IFI44: variants seen among roughly 807,000 people sequenced by gnomAD.
IFI44 encodes interferon induced protein 44, also known as interferon-induced protein 44.
A neutral mutation model predicts 45.0 loss-of-function variants in IFI44; 42 were observed. The ratio of observed to expected loss-of-function variants is 0.93; its 90% CI spans 0.73 to 1.21. The LOEUF is 1.21. Among genes scored for constraint, IFI44 ranks in the 50% most tolerant of loss-of-function variants. The pLI, the probability that IFI44 is intolerant of heterozygous loss-of-function variation, is 0.00. For missense variants in IFI44, 623 were observed against 525.8 expected (o/e 1.18, Z -1.81); for synonymous variants, 221 against 188.6 (o/e 1.17, Z -1.41).
At chr1:78,654,925 T>C (rs1215368180) in intron 3 of IFI44, 89 bp from the exon 4 acceptor site, 2 of 994,740 alleles carry the variant, frequency 2.0e-6, no homozygotes, top group Non-Finnish European at 2.8e-6. Context: ...AAAAATAATA[T>C]CTATGAAAAA....
chr1:78,656,821 TTTCA>T (rs1231998355), intron 5 of IFI44, among the ~76,000 whole-genome samples: 1 of 151,178 alleles, frequency 6.6e-6, no homozygotes, highest in Non-Finnish European at 1.5e-5. Context: ...TGCAAGATTT[TTTCA>T]TTCTTTAGTA....
chr1:78,650,720 T>A (rs1248147459), intron 2 of IFI44, 68 bp downstream of exon 2: 19 of 1,048,762 alleles, frequency 1.8e-5, no homozygotes, highest in Non-Finnish European at 2.6e-5. Context: ...AACCAATTCA[T>A]CTCTTTAAGG....
rs1429119498 is a variant in IFI44 at position 78,663,001 on chromosome 1, TG to T, written c.1288+124del. 7 of 1,568,994 alleles carry T rather than the reference TG, an allele frequency of 4.5e-6. No homozygotes were observed. In the African/African-American group the frequency reaches 9.6e-5, roughly 21 times the overall value. On this transcript the variant is annotated intron_variant, in intron 8 of 8. Transcript: ENST00000370747. ...TGGGTTGTTGCCCTGTGATTAGTTCTGCTTTTTAACCCACTCCCTGGATGCA... is the reference window on the plus strand; with the variant it reads ...TGGGTTGTTGCCCTGTGATTAGTTCTCTTTTTAACCCACTCCCTGGATGCA...
chr1:78,651,992 G>A (rs1178002562), intron 2 of IFI44, among the ~76,000 whole-genome samples: 9 of 152,142 alleles, frequency 5.9e-5, no homozygotes, highest in Non-Finnish European at 1.5e-5. Context: ...GGGGTTTTAA[G>A]TGAAGTTTAT....
intron 3 of IFI44, 144 bp downstream of exon 3, chr1:78,654,423 A>G: frequency 1.9e-6 from 1 of 528,516 alleles, no homozygotes; most frequent in Non-Finnish European, 3.3e-6. Context: ...ATAATCATAA[A>G]ATATTTGATA....
At chr1:78,649,972 C>T (rs1570380606) in intron 1 of IFI44, 67 bp downstream of exon 1, 2 of 400,568 alleles carry the variant, frequency 5.0e-6, no homozygotes, top group East Asian at 4.2e-5. Flanking sequence ...TCTCAGGTGA[C>T]AGTGTCACTT....
intron 7 of IFI44, chr1:78,660,869 A>C: frequency 1.9e-6 from 1 of 536,618 alleles, no homozygotes; most frequent in Non-Finnish European, 3.4e-6. Context: ...TGTTACCAAA[A>C]TCTGTGGATG....
intron 8 of IFI44, 79 bp downstream of exon 8, chr1:78,662,957 G>A (rs1352292961): frequency 6.2e-7 from 1 of 1,608,156 alleles, no homozygotes. Flanking sequence ...TAAATACCTG[G>A]CAGCTCTCTG....
intron 5 of IFI44, among the ~76,000 whole-genome samples, chr1:78,658,377 C>T (rs1393562065): frequency 2.0e-5 from 3 of 152,024 alleles, no homozygotes; most frequent in South Asian, 2.1e-4. Flanking sequence ...ACAATTAAAA[C>T]ATTTTAGCAT....
intron 7 of IFI44, chr1:78,662,483 A>G (rs1183906796): frequency 2.6e-5 from 13 of 496,080 alleles, no homozygotes; most frequent in African/African-American, 2.3e-4. Flanking sequence ...TTTCTAAATC[A>G]TTTAGAATCC....
At chr1:78,661,140 G>A (rs1647426799) in intron 7 of IFI44, among the ~76,000 whole-genome samples, 1 of 152,112 alleles carries the variant, frequency 6.6e-6, no homozygotes, top group Admixed American at 6.5e-5. Context: ...TCGGCTCACT[G>A]CAACCTCCGC....
At chr1:78,654,093 C>CAAAATT (rs1420993849) in intron 2 of IFI44, 150 bp from the exon 3 acceptor site, 1 of 634,972 alleles carries the variant, frequency 1.6e-6, no homozygotes, top group African/African-American at 1.9e-5. Context: ...ATTTGCTCTA[C>CAAAATT]AAAATTGCTC....
At chr1:78,662,161 G>A (rs1647496565) in intron 7 of IFI44, among the ~76,000 whole-genome samples, 1 of 152,192 alleles carries the variant, frequency 6.6e-6, no homozygotes, top group African/African-American at 2.4e-5. Flanking sequence ...GCAAGTATTT[G>A]TTGAGCACTA....
intron 6 of IFI44, among the ~76,000 whole-genome samples, chr1:78,659,883 A>C (rs942260732): frequency 1.3e-5 from 2 of 152,208 alleles, no homozygotes; most frequent in African/African-American, 4.8e-5. Context: ...CATTTCCGAA[A>C]GGAAAAGAAA....
intron 8 of IFI44, chr1:78,663,309 C>T (rs771589198): frequency 7.3e-5 from 72 of 985,056 alleles, no homozygotes; most frequent in Non-Finnish European, 8.3e-5. Context: ...CTTTGACTTG[C>T]CTTTTTGTTT....
At chr1:78,663,639 T>C in intron 8 of IFI44, 126 bp from the exon 9 acceptor site, 1 of 1,416,164 alleles carries the variant, frequency 7.1e-7, no homozygotes, top group South Asian at 1.7e-5. Flanking sequence ...TCCCTTCTCT[T>C]CCTCATGGTA....
intron 5 of IFI44, 45 bp downstream of exon 5, chr1:78,655,556 T>A (rs751574002): frequency 6.6e-7 from 1 of 1,516,128 alleles, no homozygotes; most frequent in Non-Finnish European, 9.0e-7. Context: ...TTTAAAATGC[T>A]TATTTTTGTA....
chr1:78,655,220 T>C lies in IFI44; in HGVS notation c.690+11T>C. On this transcript the variant is annotated intron_variant, in intron 4 of 8. Transcript: ENST00000370747. Reference sequence around the variant, plus strand: ...GGGATATCTGAGAAGGTAAGCACATTTGAGGCCACCTAGCCTTTGCTTCTC... The same window carrying C: ...GGGATATCTGAGAAGGTAAGCACATCTGAGGCCACCTAGCCTTTGCTTCTC... 1.2e-6 allele frequency: 2 copies of C among 1,610,186 alleles called. No homozygotes were observed. Among genetic ancestry groups the C allele is most frequent in the Non-Finnish European group, 1.7e-6 (2 of 1,177,730 alleles).
chr1:78,650,098 G>A (rs1647096281), intron 1 of IFI44, 88 bp from the exon 2 acceptor site: 1 of 822,412 alleles, frequency 1.2e-6, no homozygotes, highest in African/African-American at 1.7e-5. Flanking sequence ...ATTATGTAGA[G>A]TATATAAGAG....
Sources: allele counts gnomAD v4.1 joint callset (sites outside exome capture counted in the v4.1 genomes callset), GRCh38; gene constraint gnomAD v4.1.1; transcripts MANE v1.5; gene names NCBI Gene and HGNC (gene_info 2026-07-23, HGNC 2026-07-21).